The following IQCM variants were observed in gnomAD, a reference collection of about 807,000 sequenced individuals.
IQCM encodes IQ motif containing M, also known as IQ domain-containing protein M.
In IQCM, 45 loss-of-function variants were observed where a neutral mutation model predicts 57.6. The observed-to-expected ratio is 0.78, with a 90% CI of 0.62 to 1.00. The LOEUF is 1.00. IQCM is among the 50% of genes least tolerant of loss of function. IQCM has a pLI of 0.00. For synonymous variants in IQCM, 148 were observed against 158.9 expected (o/e 0.93, Z 0.51); for missense variants, 468 against 511.6 (o/e 0.91, Z 0.82).
chr4:149,419,537 C>A (rs1406674903), intron 13 of IQCM, among the ~76,000 whole-genome samples: 1 of 151,996 alleles, frequency 6.6e-6, no homozygotes, highest in Non-Finnish European at 1.5e-5. Flanking sequence ...ACTATAAAAA[C>A]CCTGGAAGAA....
intron 9 of IQCM, among the ~76,000 whole-genome samples, chr4:149,587,506 T>C (rs1752750028): frequency 6.6e-6 from 1 of 151,784 alleles, no homozygotes; most frequent in African/African-American, 2.4e-5. Flanking sequence ...CAAAGCAATC[T>C]AAGAGTTTTT....
chr4:149,513,790 G>A (rs2149814357), intron 12 of IQCM, among the ~76,000 whole-genome samples: 1 of 152,186 alleles, frequency 6.6e-6, no homozygotes. Flanking sequence ...CTGCCAAAGG[G>A]AACATTGGTT....
intron 9 of IQCM, among the ~76,000 whole-genome samples, chr4:149,570,451 A>G (rs774277369): frequency 1.3e-5 from 2 of 152,056 alleles, no homozygotes; most frequent in Non-Finnish European, 2.9e-5. Flanking sequence ...ATGGAATGTT[A>G]CAGGAAAACA....
intron 9 of IQCM, among the ~76,000 whole-genome samples, chr4:149,573,894 T>A (rs1441418655): frequency 1.3e-5 from 2 of 152,016 alleles, no homozygotes; most frequent in African/African-American, 4.8e-5. Context: ...CTCTGTGTGA[T>A]GAAATCAAAG....
At chr4:149,734,270 C>T (rs1766728128) in intron 4 of IQCM, among the ~76,000 whole-genome samples, 1 of 152,154 alleles carries the variant, frequency 6.6e-6, no homozygotes, top group South Asian at 2.1e-4. Context: ...TTCCAGGCAA[C>T]CGAAGATGGA....
At chr4:149,789,766 G>T (rs1772411854) in intron 2 of IQCM, among the ~76,000 whole-genome samples, 4 of 151,944 alleles carry the variant, frequency 2.6e-5, no homozygotes, top group Non-Finnish European at 4.4e-5. Context: ...GCTGAGCATG[G>T]TGTTACACGC....
chr4:149,767,687 T>C (rs1308148326), intron 2 of IQCM, among the ~76,000 whole-genome samples: 2 of 152,090 alleles, frequency 1.3e-5, no homozygotes, highest in Non-Finnish European at 2.9e-5. Flanking sequence ...TGAGTAAAAG[T>C]TTCAGTATGG....
At chr4:149,493,804 C>T (rs1038574103) in intron 12 of IQCM, among the ~76,000 whole-genome samples, 1 of 151,274 alleles carries the variant, frequency 6.6e-6, no homozygotes, top group African/African-American at 2.4e-5. Flanking sequence ...GCTGCAAACG[C>T]TGTCCTTCAC....
At chr4:149,524,385 A>G (rs1363071347) in intron 12 of IQCM, among the ~76,000 whole-genome samples, 1 of 152,142 alleles carries the variant, frequency 6.6e-6, no homozygotes, top group Non-Finnish European at 1.5e-5. Flanking sequence ...AGATTTGTGC[A>G]CTGTAAGATT....
chr4:149,807,295 C>T (rs2150060809), intron 2 of IQCM, among the ~76,000 whole-genome samples: 1 of 151,962 alleles, frequency 6.6e-6, no homozygotes, highest in South Asian at 2.1e-4. Context: ...CACCATGGTA[C>T]TGACATAAAA....
intron 7 of IQCM, among the ~76,000 whole-genome samples, chr4:149,621,556 T>C (rs1441535153): frequency 6.6e-6 from 1 of 152,164 alleles, no homozygotes; most frequent in Non-Finnish European, 1.5e-5. Flanking sequence ...TCTTTTTTTT[T>C]AAAGGAGGCT....
chr4:149,654,204 T>C (rs955940897), intron 7 of IQCM, among the ~76,000 whole-genome samples: 5 of 152,298 alleles, frequency 3.3e-5, no homozygotes, highest in African/African-American at 1.2e-4. Flanking sequence ...TTCTTTTCCT[T>C]TCTCACTGTC....
intron 13 of IQCM, among the ~76,000 whole-genome samples, chr4:149,432,994 A>C (rs1346865487): frequency 6.6e-6 from 1 of 152,064 alleles, no homozygotes; most frequent in Admixed American, 6.6e-5. Flanking sequence ...GAGCTGTGGA[A>C]CAAATGCAAC....
chr4:149,770,119 GAC>G (rs1416104642), intron 2 of IQCM, among the ~76,000 whole-genome samples: 1 of 147,144 alleles, frequency 6.8e-6, no homozygotes, highest in East Asian at 1.9e-4. Context: ...ACTGGGTGAA[GAC>G]ACAATAAAAA....
chr4:149,505,602 A>C (rs2149799189), intron 12 of IQCM, among the ~76,000 whole-genome samples: 1 of 152,340 alleles, frequency 6.6e-6, no homozygotes, highest in South Asian at 2.1e-4. Flanking sequence ...CCATCCTGAG[A>C]TAATCACCAG....
chr4:149,385,764 T>C (rs1487853081), intron 13 of IQCM, among the ~76,000 whole-genome samples: 1 of 152,116 alleles, frequency 6.6e-6, no homozygotes, highest in Non-Finnish European at 1.5e-5. Flanking sequence ...CCCCAAAATA[T>C]CTTTCAAATA....
intron 8 of IQCM, 131 bp downstream of exon 8, chr4:149,620,998 T>C (rs1036568575): frequency 6.0e-5 from 25 of 413,248 alleles, no homozygotes; most frequent in African/African-American, 4.9e-4. Flanking sequence ...AAAAAATGAA[T>C]TTCAGTGGAG....
chr4:149,621,506 G>A (rs551187259), intron 7 of IQCM, among the ~76,000 whole-genome samples: 29 of 152,118 alleles, frequency 1.9e-4, no homozygotes, highest in African/African-American at 6.3e-4. Context: ...AAAACTATAG[G>A]TTCATTCTCT....
At chr4:149,774,626 A>G (rs1281379655) in intron 2 of IQCM, among the ~76,000 whole-genome samples, 4 of 152,190 alleles carry the variant, frequency 2.6e-5, no homozygotes, top group Non-Finnish European at 5.9e-5. Flanking sequence ...CAGCCTCTGC[A>G]TATATACCTG....
Sources: gnomAD v4.1 joint callset for allele counts (sites outside exome capture counted in the v4.1 genomes callset) on GRCh38, gnomAD v4.1.1 for gene constraint, MANE v1.5 for transcripts, NCBI Gene and HGNC (gene_info 2026-07-23, HGNC 2026-07-21) for gene names.